The following SEM1 variants were observed in gnomAD, a reference collection of about 807,000 sequenced individuals.
SEM1 encodes SEM1 26S proteasome subunit.
A neutral mutation model predicts 12.7 loss-of-function variants in SEM1; 3 were observed. The observed-to-expected ratio is 0.24, with a 90% confidence interval of 0.11 to 0.61. SEM1 has a LOEUF of 0.61. SEM1 is among the 20% of genes least tolerant of loss of function. SEM1 has a pLI of 0.88. For synonymous variants in SEM1, 30 were observed against 27.8 expected (o/e 1.08, Z -0.25); for missense variants, 59 against 81.3 (o/e 0.73, Z 1.06).
intron 2 of SEM1, among the ~76,000 whole-genome samples, chr7:96,582,477 C>G (rs977689011): frequency 6.6e-6 from 1 of 151,268 alleles, no homozygotes; most frequent in Non-Finnish European, 1.5e-5. Flanking sequence ...CAGGATGATG[C>G]TGGCCTCATA....
chr7:96,599,090 A>C (rs1386959732), intron 2 of SEM1, among the ~76,000 whole-genome samples: 2 of 152,114 alleles, frequency 1.3e-5, no homozygotes, highest in Non-Finnish European at 2.9e-5. Flanking sequence ...GGAAGGAAAA[A>C]GGAAAGGAAG....
At chr7:96,709,241 G>A (rs968050073) in intron 1 of SEM1, among the ~76,000 whole-genome samples, 2 of 152,180 alleles carry the variant, frequency 1.3e-5, no homozygotes, top group African/African-American at 4.8e-5. Flanking sequence ...ACTTAATGAG[G>A]CTTCATTTGT....
chr7:96,602,257 C>T (rs1807218562), intron 2 of SEM1, among the ~76,000 whole-genome samples: 1 of 152,148 alleles, frequency 6.6e-6, no homozygotes, highest in Non-Finnish European at 1.5e-5. Flanking sequence ...GAGGACCAGA[C>T]TTTAATGTTA....
chr7:96,587,274 T>G (rs927594659), intron 2 of SEM1, among the ~76,000 whole-genome samples: 1 of 152,194 alleles, frequency 6.6e-6, no homozygotes, highest in Non-Finnish European at 1.5e-5. Context: ...AGAACCTTCT[T>G]TTTCTCCATG....
At chr7:96,645,837 G>T (rs372552091) in intron 2 of SEM1, 6 of 398,298 alleles carry the variant, frequency 1.5e-5, no homozygotes, top group African/African-American at 8.2e-5. Flanking sequence ...TGTAGTTCTC[G>T]TGTGAGTTAA....
intron 2 of SEM1, among the ~76,000 whole-genome samples, chr7:96,485,705 G>A (rs2117198851): frequency 6.6e-6 from 1 of 151,790 alleles, no homozygotes; most frequent in South Asian, 2.1e-4. Context: ...ACCATGCCCT[G>A]TATTTTCTGT....
intron 2 of SEM1, among the ~76,000 whole-genome samples, chr7:96,521,143 C>T (rs1480272770): frequency 1.3e-5 from 2 of 152,066 alleles, no homozygotes; most frequent in East Asian, 1.9e-4. Flanking sequence ...GGCCTGAGGG[C>T]GAAAAAGGAG....
At chr7:96,551,914 GC>G (rs1805290655) in intron 2 of SEM1, among the ~76,000 whole-genome samples, 1 of 152,048 alleles carries the variant, frequency 6.6e-6, no homozygotes, top group Admixed American at 6.5e-5. Flanking sequence ...CAGACTTCTG[GC>G]CCCAAAGCTG....
intron 2 of SEM1, chr7:96,637,374 T>C (rs2116371081): frequency 6.6e-6 from 1 of 152,208 alleles, no homozygotes; most frequent in South Asian, 2.1e-4. Flanking sequence ...CCCAAGCTTT[T>C]GCAGTCTTCT....
At chr7:96,518,357 G>T (rs1804162277) in intron 2 of SEM1, among the ~76,000 whole-genome samples, 2 of 152,094 alleles carry the variant, frequency 1.3e-5, no homozygotes, top group East Asian at 3.9e-4. Flanking sequence ...AATATATAAA[G>T]TCCATGTGCA....
intron 2 of SEM1, among the ~76,000 whole-genome samples, chr7:96,547,569 CTAAG>C (rs766776666): frequency 1.3e-5 from 2 of 152,180 alleles, no homozygotes; most frequent in Admixed American, 6.5e-5. Flanking sequence ...GCAGCAGTTC[CTAAG>C]TGAGTCATGT....
At chr7:96,695,777 C>A (rs955138967) in intron 1 of SEM1, 2 of 151,928 alleles carry the variant, frequency 1.3e-5, no homozygotes, top group Non-Finnish European at 2.9e-5. Context: ...TCAGCTTGAA[C>A]CACTTCCAAA....
At chr7:96,705,089 G>C (rs1171931198) in intron 1 of SEM1, among the ~76,000 whole-genome samples, 1 of 152,110 alleles carries the variant, frequency 6.6e-6, no homozygotes, top group African/African-American at 2.4e-5. Flanking sequence ...ATTTATTCCA[G>C]AATGCTGGCA....
At chr7:96,690,636 G>A (rs1234992171) in intron 2 of SEM1, among the ~76,000 whole-genome samples, 1 of 152,150 alleles carries the variant, frequency 6.6e-6, no homozygotes, top group Admixed American at 6.5e-5. Context: ...GAAAACAGCA[G>A]CAGTCTTTGT....
chr7:96,603,939 A>G (rs1283162151), intron 2 of SEM1, among the ~76,000 whole-genome samples: 1 of 151,564 alleles, frequency 6.6e-6, no homozygotes, highest in African/African-American at 2.4e-5. Context: ...TAAATTTTGT[A>G]TTTGTGGCTG....
chr7:96,482,999 A>C (rs971573209), exon 4 of SEM1: 11 of 152,178 alleles, frequency 7.2e-5, no homozygotes, highest in African/African-American at 2.7e-4. Context: ...TACAGCAGAA[A>C]GTTGGGATTT....
intron 2 of SEM1, among the ~76,000 whole-genome samples, chr7:96,677,138 CT>C (rs1331377255): frequency 6.6e-6 from 1 of 152,166 alleles, no homozygotes; most frequent in East Asian, 1.9e-4. Flanking sequence ...CACAATGGTA[CT>C]TTAGCAGATC....
chr7:96,553,814 T>A (rs1805380755), intron 2 of SEM1, among the ~76,000 whole-genome samples: 1 of 152,232 alleles, frequency 6.6e-6, no homozygotes, highest in Non-Finnish European at 1.5e-5. Context: ...ATATTGATTC[T>A]TCCTACCCAT....
chr7:96,694,613 G>C (rs10261833), intron 2 of SEM1, among the ~76,000 whole-genome samples, 185 bp downstream of exon 2: 25,945 of 151,914 alleles, frequency 0.17, 2,243 homozygotes, highest in South Asian at 0.21. Context: ...AAAGTTGTAT[G>C]CAATTACACA....
Sources: allele counts gnomAD v4.1 joint callset (sites outside exome capture counted in the v4.1 genomes callset), GRCh38; gene constraint gnomAD v4.1.1; transcripts MANE v1.5; gene names NCBI Gene and HGNC (gene_info 2026-07-23, HGNC 2026-07-21).